PARD3B: variants seen among roughly 807,000 people sequenced by gnomAD.
PARD3B encodes partitioning defective 3 homolog B.
A neutral mutation model predicts 130.2 loss-of-function variants in PARD3B; 103 were observed. The ratio of observed to expected loss-of-function variants is 0.79; its 90% CI spans 0.67 to 0.93. PARD3B has a LOEUF of 0.93. Ranked by LOEUF, PARD3B falls within the 40% of genes least tolerant of loss-of-function variation. The pLI, the probability that PARD3B is intolerant of heterozygous loss-of-function variation, is 0.00. For missense variants in PARD3B, 1,609 were observed against 1,499.2 expected, an observed-to-expected ratio of 1.07 and a Z score of -1.21; for synonymous variants, 583 against 553.2, an observed-to-expected ratio of 1.05 and a Z score of -0.76.
chr2:205,188,783 CAAAAAAAA>C lies in PARD3B; in HGVS notation c.2024+2933_2024+2940del, dbSNP rs68034154. On this transcript the variant is annotated intron_variant, in intron 14 of 22. Transcript: ENST00000406610. ...AAAGGCTCTCCTGCCTTCTGCCTTT[CAAAAAAAA>C]AAAAAAAAAAAAGGAAAAGCCCTCT... 9.2e-5 allele frequency among the ~76,000 whole-genome samples: 9 copies of C among 97,390 alleles called. No individual in the cohort carries two copies. The East Asian group carries it at 1.2e-3, about 13-fold the overall frequency. 63.9% of individuals were successfully genotyped at this position (97,390 alleles called of 152,430 possible).
Position 205,351,926 on chromosome 2 carries a change from A to G in PARD3B, c.2631-49087A>G, listed in dbSNP as rs1485310720. ...CTTTCTGTCAAGCTACCTGCCTCCC[A>G]GGTACACGCGTATTGCTGAGGAAAC... On this transcript the variant is annotated intron_variant, in intron 18 of 22. Transcript: ENST00000406610. The surrounding 1 kb of genome is among the most constrained non-coding windows in gnomAD (Gnocchi z 4.2). Among the ~76,000 whole-genome samples, 1 of 152,168 alleles carries G rather than the reference A, an allele frequency of 6.6e-6. No individual in the cohort carries two copies. Among genetic ancestry groups the G allele is most frequent in the Non-Finnish European group, 1.5e-5 (1 of 68,034 alleles).
intron 22 of PARD3B, among the ~76,000 whole-genome samples, chr2:205,573,930 C>A (rs541398441): frequency 4.2e-4 from 64 of 151,796 alleles, no homozygotes; most frequent in African/African-American, 1.5e-3. Context: ...TGAAACGTGC[C>A]AACAAATTGA....
In PARD3B at chr2:205,245,813, C is replaced by T. The variant is rs778854581; in HGVS notation, c.2176C>T (p.Gln726Ter). Residue 726 changes from glutamine (Q) to a stop codon, truncating the protein, a stop_gained, in exon 16 of 23, where the codon CAA becomes TAA. Coordinates refer to ENST00000406610, the MANE Select transcript of PARD3B (RefSeq NM_001302769.2). LOFTEE classifies it high-confidence loss of function. ...DESKVHSLAG[Q>*]KSESPSKDFG... The stretch of plus-strand genomic sequence containing the variant: ...AAGCAAGGTTCACTCATTGGCTGGA[C>T]AAAAATCGGGTAAGAAATTCCTTGT... 1 of 1,595,840 alleles carries T rather than the reference C, an allele frequency of 6.3e-7. No homozygotes were observed. Among genetic ancestry groups the T allele is most frequent in the South Asian group, 1.1e-5 (1 of 90,358 alleles).
chr2:204,885,049 G>A (rs377119942), intron 2 of PARD3B, among the ~76,000 whole-genome samples: 8 of 152,250 alleles, frequency 5.3e-5, no homozygotes, highest in South Asian at 2.1e-4. Flanking sequence ...TTGAAGAATC[G>A]CCACACTGTC....
At chr2:204,725,208 G>A (rs2039169608) in intron 2 of PARD3B, among the ~76,000 whole-genome samples, 1 of 152,136 alleles carries the variant, frequency 6.6e-6, no homozygotes. Context: ...GACAGTAGAG[G>A]GAACTATTTA....
At chr2:205,174,667 G>A (rs978204919) in intron 12 of PARD3B, among the ~76,000 whole-genome samples, 9 of 152,106 alleles carry the variant, frequency 5.9e-5, no homozygotes, top group African/African-American at 2.2e-4. Flanking sequence ...GATACATTCA[G>A]GCAAATCAAT....
chr2:205,142,345 G>C lies in PARD3B; in HGVS notation c.1435-16377G>C, dbSNP rs1285200742. 6.6e-6 allele frequency among the ~76,000 whole-genome samples: 1 copy of C among 152,170 alleles called. No individual in the cohort carries two copies. Among genetic ancestry groups the C allele is most frequent in the East Asian group, 1.9e-4 (1 of 5,198 alleles). ...ACATGATAAAAAGTTTAGGTGAGAG[G>C]TGTTGAAAACTATGATTTTGGTAGA... On this transcript the variant is annotated intron_variant, in intron 10 of 22. Transcript: ENST00000406610. The surrounding 1 kb of genome is among the most constrained non-coding windows in gnomAD (Gnocchi z 4.3).
intron 2 of PARD3B, among the ~76,000 whole-genome samples, chr2:204,759,980 A>G (rs1159629535): frequency 4.6e-5 from 7 of 152,272 alleles, no homozygotes; most frequent in Non-Finnish European, 7.4e-5. Flanking sequence ...ACTGAATTGT[A>G]GGACATAAAA....
chr2:204,616,349 A>C (rs2034112580), intron 1 of PARD3B, among the ~76,000 whole-genome samples: 1 of 152,238 alleles, frequency 6.6e-6, no homozygotes, highest in African/African-American at 2.4e-5. Context: ...TACAGATGGT[A>C]AATAAGCACA....
intron 14 of PARD3B, among the ~76,000 whole-genome samples, chr2:205,191,075 GAAA>G (rs5837960): frequency 2.0e-5 from 2 of 97,744 alleles, no homozygotes; most frequent in South Asian, 6.0e-4. Flanking sequence ...GAAAGAAATA[GAAA>G]AAAAAAAAAA....
At chr2:204,688,747 A>G (rs781354974) in intron 2 of PARD3B, among the ~76,000 whole-genome samples, 4 of 152,120 alleles carry the variant, frequency 2.6e-5, no homozygotes, top group Non-Finnish European at 5.9e-5. Context: ...ACTATAAGTG[A>G]TGCTTTGTGG....
At chr2:205,162,155 C>A (rs763252773) in intron 11 of PARD3B, among the ~76,000 whole-genome samples, 1 of 152,160 alleles carries the variant, frequency 6.6e-6, no homozygotes, top group East Asian at 1.9e-4. Context: ...TACTCTAGGA[C>A]GCCCTCTTGG....
At chr2:204,757,995 C>T (rs1353736903) in intron 2 of PARD3B, among the ~76,000 whole-genome samples, 6 of 152,120 alleles carry the variant, frequency 3.9e-5, no homozygotes, top group Admixed American at 3.9e-4. Context: ...ACTTCAAAAC[C>T]TAATGGCTTA....
At chr2:204,960,614 T>C (rs1292297962) in intron 2 of PARD3B, among the ~76,000 whole-genome samples, 1 of 152,204 alleles carries the variant, frequency 6.6e-6, no homozygotes, top group Non-Finnish European at 1.5e-5. Flanking sequence ...AGGTGTCTTT[T>C]GTTGTTGTGT....
chr2:204,708,905 T>A (rs1005251854), intron 2 of PARD3B, among the ~76,000 whole-genome samples: 2 of 152,210 alleles, frequency 1.3e-5, no homozygotes, highest in African/African-American at 4.8e-5. Context: ...ATTGTCCACC[T>A]GGACTGTGGA....
intron 1 of PARD3B, among the ~76,000 whole-genome samples, chr2:204,618,061 T>A (rs922390933): frequency 2.6e-5 from 4 of 152,180 alleles, no homozygotes; most frequent in Non-Finnish European, 5.9e-5. Flanking sequence ...TTTTTAACCA[T>A]GTAATTGTGC....
chr2:205,194,852 C>T (rs975573384), intron 15 of PARD3B, among the ~76,000 whole-genome samples: 15 of 151,810 alleles, frequency 9.9e-5, no homozygotes, highest in Non-Finnish European at 1.5e-4. Context: ...AGTGCGATCT[C>T]GGCTCACTGC....
intron 20 of PARD3B, among the ~76,000 whole-genome samples, chr2:205,496,651 C>A (rs771771258): frequency 5.3e-5 from 8 of 152,036 alleles, no homozygotes; most frequent in Non-Finnish European, 8.8e-5. Flanking sequence ...TATTCCTGCC[C>A]CATTCCCTTA....
At chr2:204,641,136 A>G (rs2035063212) in intron 1 of PARD3B, among the ~76,000 whole-genome samples, 1 of 148,614 alleles carries the variant, frequency 6.7e-6, no homozygotes, top group African/African-American at 2.4e-5. Context: ...TTTTAAAGAT[A>G]CTTCCTGTTA....
Sources: allele counts gnomAD v4.1 joint callset (sites outside exome capture counted in the v4.1 genomes callset), GRCh38; gene constraint gnomAD v4.1.1; non-coding constraint Gnocchi (gnomAD v3.1); transcripts MANE v1.5; gene names NCBI Gene and HGNC (gene_info 2026-07-23, HGNC 2026-07-21).